The following TMEM135 variants were observed in gnomAD, a reference collection of about 807,000 sequenced individuals.
The protein encoded by TMEM135 is peroxisomal membrane protein 52.
In TMEM135, 30 loss-of-function variants were observed where a neutral mutation model predicts 60.3. The ratio of observed to expected loss-of-function variants is 0.50; its 90% CI spans 0.37 to 0.68. The LOEUF (loss-of-function observed/expected upper bound fraction) is 0.68. Among genes scored for constraint, TMEM135 ranks in the 30% least tolerant of loss-of-function variants. The probability of loss-of-function intolerance (pLI) is 0.00; values close to 1 mark genes in which losing one functional copy is unlikely to be tolerated. For missense variants in TMEM135, 468 were observed against 548.8 expected, an observed-to-expected ratio of 0.85 and a Z score of 1.47; for synonymous variants, 190 against 186.7, an observed-to-expected ratio of 1.02 and a Z score of -0.14.
intron 3 of TMEM135, among the ~76,000 whole-genome samples, chr11:87,072,012 C>T (rs1202827018): frequency 6.6e-6 from 1 of 151,998 alleles, no homozygotes. Context: ...CATTGGAAAA[C>T]CCTGTCTCTA....
At chr11:87,234,388 C>T (rs1940950609) in intron 5 of TMEM135, among the ~76,000 whole-genome samples, 1 of 152,004 alleles carries the variant, frequency 6.6e-6, no homozygotes, top group Non-Finnish European at 1.5e-5. Context: ...GTGCCTGGCA[C>T]GTGGTAGGAA....
At chr11:87,059,930 A>G (rs546530246) in intron 1 of TMEM135, among the ~76,000 whole-genome samples, 5 of 152,152 alleles carry the variant, frequency 3.3e-5, no homozygotes, top group African/African-American at 9.7e-5. Context: ...CCTGCATAAA[A>G]TGGTGAAAAT....
At chr11:87,300,144 C>G (rs1942418444) in intron 7 of TMEM135, among the ~76,000 whole-genome samples, 1 of 152,170 alleles carries the variant, frequency 6.6e-6, no homozygotes, top group African/African-American at 2.4e-5. Context: ...GCACCAGATA[C>G]TGATTTAAGC....
chr11:87,242,228 C>T (rs1055192348), intron 6 of TMEM135, among the ~76,000 whole-genome samples: 1 of 151,568 alleles, frequency 6.6e-6, no homozygotes, highest in Non-Finnish European at 1.5e-5. Context: ...ATATATGCCA[C>T]ATTTTCTTAA....
intron 6 of TMEM135, among the ~76,000 whole-genome samples, chr11:87,239,958 A>T (rs763315537): frequency 3.9e-5 from 6 of 152,116 alleles, no homozygotes; most frequent in Non-Finnish European, 7.4e-5. Flanking sequence ...TACATATATT[A>T]TCTCATATGT....
chr11:87,247,857 A>T (rs1164391402), intron 6 of TMEM135, among the ~76,000 whole-genome samples: 2 of 151,866 alleles, frequency 1.3e-5, no homozygotes, highest in Non-Finnish European at 2.9e-5. Context: ...GTTGCCCTGC[A>T]CCCACTGTAC....
chr11:87,075,686 A>C (rs969170146), intron 3 of TMEM135, among the ~76,000 whole-genome samples: 2 of 152,172 alleles, frequency 1.3e-5, no homozygotes, highest in African/African-American at 2.4e-5. Context: ...TATGTAATAC[A>C]TTTCTGATTT....
chr11:87,214,692 A>G (rs1187541172), intron 5 of TMEM135, among the ~76,000 whole-genome samples: 1 of 152,040 alleles, frequency 6.6e-6, no homozygotes, highest in Non-Finnish European at 1.5e-5. Flanking sequence ...TTTTCCCCCT[A>G]TATTACATCA....
At chr11:87,061,485 AATAG>A (rs1263796081) in intron 1 of TMEM135, among the ~76,000 whole-genome samples, 1 of 152,236 alleles carries the variant, frequency 6.6e-6, no homozygotes, top group Non-Finnish European at 1.5e-5. Flanking sequence ...AGAAAGATTA[AATAG>A]ATACAACATA....
At chr11:87,039,799 T>C (rs1949735352) in intron 1 of TMEM135, among the ~76,000 whole-genome samples, 2 of 152,238 alleles carry the variant, frequency 1.3e-5, no homozygotes. Context: ...TGAAAATCCA[T>C]AGCACTTTTC....
chr11:87,038,009 C>G lies in TMEM135; in HGVS notation c.-37C>G, dbSNP rs751953157. The G allele has an allele frequency of 6.2e-7, 1 of 1,612,624 alleles. No individual in the cohort carries two copies. The highest frequency in any genetic ancestry group is 1.1e-5 in the South Asian group (1 of 91,074). ...CGCGCCCCTCCCTGCAGGGCTCAGG[C>G]TCTCCCCCTCCTGTCTTCTCCGCGC... On this transcript the variant is annotated 5_prime_UTR_variant, in exon 1 of 15. Transcript: ENST00000305494.
At chr11:87,305,844 GA>G in intron 8 of TMEM135, 91 bp from the exon 9 acceptor site, 2 of 645,658 alleles carry the variant, frequency 3.1e-6, no homozygotes, top group Non-Finnish European at 4.9e-6. Context: ...TTTTTGGTTA[GA>G]AAGCTTTAAA....
chr11:87,064,546 G>A (rs191146419), intron 1 of TMEM135, among the ~76,000 whole-genome samples: 114 of 152,038 alleles, frequency 7.5e-4, no homozygotes, highest in Middle Eastern at 6.8e-3. Flanking sequence ...CTTAATCCCT[G>A]GCAACCACTA....
chr11:87,285,026 A>G (rs982062599), intron 6 of TMEM135, among the ~76,000 whole-genome samples: 1 of 152,234 alleles, frequency 6.6e-6, no homozygotes, highest in African/African-American at 2.4e-5. Flanking sequence ...AATTTAACCT[A>G]TTGGAATATA....
intron 3 of TMEM135, among the ~76,000 whole-genome samples, chr11:87,073,462 T>C (rs1856810222): frequency 6.6e-6 from 1 of 152,200 alleles, no homozygotes; most frequent in Admixed American, 6.5e-5. Flanking sequence ...ATCAAAGGAT[T>C]GGTGAATGTT....
At chr11:87,182,735 C>A (rs971120310) in intron 5 of TMEM135, among the ~76,000 whole-genome samples, 1 of 151,986 alleles carries the variant, frequency 6.6e-6, no homozygotes, top group African/African-American at 2.4e-5. Flanking sequence ...TTTCTAGACA[C>A]AGGTGAATGT....
At chr11:87,078,509 C>G (rs897513285) in intron 3 of TMEM135, among the ~76,000 whole-genome samples, 2 of 152,120 alleles carry the variant, frequency 1.3e-5, no homozygotes, top group East Asian at 3.8e-4. Context: ...AATATTTTCT[C>G]CCATTCAGAG....
At chr11:87,313,548 G>T in intron 11 of TMEM135, 60 bp downstream of exon 11, 1 of 1,365,372 alleles carries the variant, frequency 7.3e-7, no homozygotes, top group Non-Finnish European at 1.0e-6. Flanking sequence ...GGAATGAATT[G>T]GAAATACCAT....
intron 6 of TMEM135, among the ~76,000 whole-genome samples, chr11:87,247,795 C>T (rs1941320562): frequency 6.6e-6 from 1 of 152,082 alleles, no homozygotes; most frequent in African/African-American, 2.4e-5. Context: ...ACTCCCTGAT[C>T]CCTTGTGCTT....
Sources: gnomAD v4.1 joint callset for allele counts (sites outside exome capture counted in the v4.1 genomes callset) on GRCh38, gnomAD v4.1.1 for gene constraint, MANE v1.5 for transcripts, NCBI Gene and HGNC (gene_info 2026-07-23, HGNC 2026-07-21) for gene names.